TMEM108: variants seen among roughly 807,000 people sequenced by gnomAD.
TMEM108 encodes the protein cancer/testis antigen 124.
A neutral mutation model predicts 35.1 loss-of-function variants in TMEM108; 12 were observed. The ratio of observed to expected loss-of-function variants is 0.34; its 90% CI spans 0.22 to 0.55. TMEM108 has a LOEUF of 0.55. TMEM108 is among the 20% of genes least tolerant of loss of function. The pLI is 0.89. For synonymous variants in TMEM108, 287 were observed against 308.6 expected (o/e 0.93, Z 0.73); for missense variants, 680 against 753.3 (o/e 0.90, Z 1.14).
intron 4 of TMEM108, chr3:133,387,710 T>A: frequency 1.5e-6 from 1 of 665,220 alleles, no homozygotes; most frequent in Non-Finnish European, 1.9e-6. Flanking sequence ...CAGGGACAAT[T>A]TGAAGTGCTG....
At chr3:133,156,064 T>TTTTATTTATTTA (rs4017412) in intron 2 of TMEM108, among the ~76,000 whole-genome samples, 2,234 of 146,154 alleles carry the variant, frequency 0.015, 29 homozygotes, top group African/African-American at 0.023. Flanking sequence ...TTATTTTTTC[T>TTTTATTTATTTA]TTTATTTATT....
chr3:133,308,350 A>G (rs2071073793), intron 3 of TMEM108, among the ~76,000 whole-genome samples: 1 of 152,078 alleles, frequency 6.6e-6, no homozygotes, highest in African/African-American at 2.4e-5. Flanking sequence ...ATAACCCTTT[A>G]TTTCTTTCTC....
chr3:133,064,471 T>C (rs74878773), intron 2 of TMEM108, among the ~76,000 whole-genome samples: 4,197 of 152,236 alleles, frequency 0.028, 103 homozygotes, highest in South Asian at 0.061. Flanking sequence ...AATAAAGAGA[T>C]TCAGGAAAGA....
At chr3:133,239,042 G>T (rs902837195) in intron 3 of TMEM108, among the ~76,000 whole-genome samples, 2 of 152,106 alleles carry the variant, frequency 1.3e-5, no homozygotes, top group East Asian at 3.9e-4. Context: ...TTAAGACTGC[G>T]TGAGTTCAAG....
At chr3:133,386,753 G>T in intron 4 of TMEM108, 1 of 1,226,718 alleles carries the variant, frequency 8.2e-7, no homozygotes, top group Non-Finnish European at 1.0e-6. Context: ...AAACGCTTCT[G>T]CATATGTCAT....
chr3:133,197,859 T>G (rs1317221424), intron 2 of TMEM108, among the ~76,000 whole-genome samples: 1 of 152,158 alleles, frequency 6.6e-6, no homozygotes, highest in Non-Finnish European at 1.5e-5. Flanking sequence ...CTTACTTCCT[T>G]TCTGTAATCA....
At chr3:133,120,327 T>C (rs1291238019) in intron 2 of TMEM108, among the ~76,000 whole-genome samples, 2 of 152,238 alleles carry the variant, frequency 1.3e-5, no homozygotes, top group Non-Finnish European at 2.9e-5. Flanking sequence ...ATTTTTCAAA[T>C]ATTTTGAGGG....
intron 3 of TMEM108, among the ~76,000 whole-genome samples, chr3:133,308,344 C>A (rs1365417496): frequency 6.6e-6 from 1 of 152,102 alleles, no homozygotes; most frequent in Non-Finnish European, 1.5e-5. Context: ...AATTGAATAA[C>A]CCTTTATTTC....
intron 2 of TMEM108, among the ~76,000 whole-genome samples, chr3:133,082,807 G>A (rs1308553955): frequency 6.6e-6 from 1 of 151,962 alleles, no homozygotes; most frequent in African/African-American, 2.4e-5. Flanking sequence ...AGGCACCACT[G>A]TGCTTGGCTA....
At chr3:133,137,197 T>C (rs1944576527) in intron 2 of TMEM108, among the ~76,000 whole-genome samples, 1 of 152,106 alleles carries the variant, frequency 6.6e-6, no homozygotes, top group South Asian at 2.1e-4. Flanking sequence ...ACCTAAATTA[T>C]CTCATTTAAT....
At chr3:133,292,704 C>G (rs1660169562) in intron 3 of TMEM108, among the ~76,000 whole-genome samples, 1 of 152,112 alleles carries the variant, frequency 6.6e-6, no homozygotes, top group South Asian at 2.1e-4. Flanking sequence ...CTCTAAAGCA[C>G]CAAAGCCCTC....
At chr3:133,105,357 CCTT>C (rs948682620) in intron 2 of TMEM108, among the ~76,000 whole-genome samples, 1 of 152,122 alleles carries the variant, frequency 6.6e-6, no homozygotes, top group African/African-American at 2.4e-5. Context: ...TGGGTTGAGT[CCTT>C]CTCATGGTTT....
intron 2 of TMEM108, among the ~76,000 whole-genome samples, chr3:133,192,473 A>G (rs1012548630): frequency 6.6e-6 from 1 of 152,030 alleles, no homozygotes; most frequent in South Asian, 2.1e-4. Context: ...AAGAGTGTGG[A>G]GCCTAGGATA....
At position 133,379,817 on chromosome 3, in the gene TMEM108, G is replaced by C. The variant is rs149345637; in HGVS notation, c.106G>C (p.Glu36Gln). Residue 36 changes from glutamate (E) to glutamine (Q), a missense_variant, in exon 4 of 6, where the codon GAA (glutamate) becomes CAA (glutamine). Physicochemically the swap from Glu to Gln is conservative, Grantham distance 29. Around this residue, in one of 3 missense-constraint regions of TMEM108, gnomAD observed 49 missense variants for 70.6 expected, o/e 0.69. Coordinates refer to ENST00000321871, the MANE Select transcript of TMEM108 (RefSeq NM_023943.4). The stretch of plus-strand genomic sequence containing the variant: ...TGCCATCCAGGAACCATCTCCCAGG[G>C]AATCTCTTCAGGTCCTCCCTTCAGG... ...AFAIQEPSPR[E>Q]SLQVLPSGTP... The C allele has an allele frequency of 5.5e-4, 895 of 1,613,906 alleles. 9 individuals carry two copies. In the East Asian group the frequency reaches 0.018, roughly 32 times the overall value.
At chr3:133,285,953 A>G (rs1190337610) in intron 3 of TMEM108, among the ~76,000 whole-genome samples, 2 of 152,234 alleles carry the variant, frequency 1.3e-5, no homozygotes, top group Non-Finnish European at 2.9e-5. Context: ...ACCTCATGAC[A>G]TGAACTTACG....
intron 2 of TMEM108, among the ~76,000 whole-genome samples, chr3:133,064,983 G>A (rs1327434626): frequency 6.6e-6 from 1 of 152,166 alleles, no homozygotes; most frequent in East Asian, 1.9e-4. Context: ...GATCTGGAAA[G>A]TCCTGAGATA....
At chr3:133,071,842 T>G (rs4496483) in intron 2 of TMEM108, among the ~76,000 whole-genome samples, 60,734 of 152,054 alleles carry the variant, frequency 0.4, 12,712 homozygotes, top group Admixed American at 0.48. Context: ...TAACATTTGA[T>G]GTAGTCCCAT....
intron 3 of TMEM108, among the ~76,000 whole-genome samples, chr3:133,304,135 G>A (rs1201524417): frequency 6.6e-6 from 1 of 152,182 alleles, no homozygotes; most frequent in African/African-American, 2.4e-5. Context: ...AAATGAACCA[G>A]CATAATACCT....
chr3:133,131,724 G>A (rs1485119315), intron 2 of TMEM108, among the ~76,000 whole-genome samples: 1 of 151,476 alleles, frequency 6.6e-6, no homozygotes, highest in Non-Finnish European at 1.5e-5. Context: ...AAGCCTAAAG[G>A]CCAAAACAAA....
Sources: allele counts gnomAD v4.1 joint callset (sites outside exome capture counted in the v4.1 genomes callset), GRCh38; gene constraint gnomAD v4.1.1; regional missense constraint gnomAD v4.1.1; transcripts MANE v1.5; gene names NCBI Gene and HGNC (gene_info 2026-07-23, HGNC 2026-07-21).